The following DHX38 variants were observed in gnomAD, a reference collection of about 807,000 sequenced individuals.
DHX38 encodes the protein pre-mRNA-splicing factor ATP-dependent RNA helicase PRP16.
Under a neutral mutation model 153.1 loss-of-function variants are expected in DHX38, and 100 were observed. The observed-to-expected ratio is 0.65, with a 90% CI of 0.56 to 0.77. DHX38 has a LOEUF of 0.77. Ranked by LOEUF, DHX38 falls within the 30% of genes least tolerant of loss-of-function variation. The probability of loss-of-function intolerance (pLI) is 0.00; values close to 1 mark genes in which losing one functional copy is unlikely to be tolerated. For missense variants in DHX38, 1,440 were observed against 1,654.0 expected, an observed-to-expected ratio of 0.87 and a Z score of 2.24; for synonymous variants, 650 against 631.7, an observed-to-expected ratio of 1.03 and a Z score of -0.43.
At chr16:72,096,610 T>C in intron 2 of DHX38, 130 bp downstream of exon 2, 1 of 1,473,648 alleles carries the variant, frequency 6.8e-7, no homozygotes, top group Non-Finnish European at 8.9e-7. Flanking sequence ...TCTGTAATAC[T>C]GAAGGTAGGT....
chr16:72,103,794 T>G lies in DHX38; in HGVS notation c.1824+6T>G. 1 of 1,607,856 alleles carries G rather than the reference T, an allele frequency of 6.2e-7. No homozygotes were observed. The highest frequency in any genetic ancestry group is 1.7e-4 in the Middle Eastern group (1 of 6,032). ...GGGGAAACCTTGGCGAGGAGGTGAG[T>G]GGGCGTGGGGGCTGAGCCATGTAGT... is the stretch of plus-strand genomic sequence containing the variant. On this transcript the variant is annotated splice_donor_region_variant and intron_variant, in intron 13 of 26. Transcript: ENST00000268482.
chr16:72,110,854 G>A lies in DHX38; in HGVS notation c.3478-102G>A. 2.7e-6 allele frequency: 4 copies of A among 1,455,176 alleles called. No homozygotes were observed. In the South Asian group the frequency reaches 5.6e-5, roughly 20 times the overall value. 90.1% of individuals were successfully genotyped at this position (1,455,176 alleles called of 1,614,324 possible). A position where few individuals can be genotyped will look rare whatever the true frequency, so the allele number is the denominator to read the frequency against. On this transcript the variant is annotated intron_variant, in intron 25 of 26. Transcript: ENST00000268482. Reference sequence around the variant, plus strand: ...GGCAGCCATGTGGAGCACTGGCCTGGTGGATGCAGCACCTGGTTTGTGGCA... The same window carrying A: ...GGCAGCCATGTGGAGCACTGGCCTGATGGATGCAGCACCTGGTTTGTGGCA...
Position 72,098,739 on chromosome 16 carries a change from T to G in DHX38, c.711T>G (p.Pro237=), listed in dbSNP as rs1413305868. Residue 237 remains proline (P), a synonymous_variant, in exon 5 of 27, where the codon CCT becomes CCG. Coordinates refer to ENST00000268482, the MANE Select transcript of DHX38 (RefSeq NM_014003.4). ...AGTGGGAATCGCCCTCCCCGACGCC[T>G]TCCTATCGGGATTCTGAGCGGAGCC... ...RSQWESPSPT[P]SYRDSERSHR... 6.2e-7 allele frequency: 1 copy of G among 1,614,188 alleles called. No homozygotes were observed. Among genetic ancestry groups the G allele is most frequent in the Admixed American group, 1.7e-5 (1 of 60,026 alleles).
At chr16:72,096,029 A>T in intron 1 of DHX38, 110 bp from the exon 2 acceptor site, 2 of 1,142,808 alleles carry the variant, frequency 1.8e-6, no homozygotes, top group Non-Finnish European at 2.4e-6. Context: ...TCCTGGTCTT[A>T]AGGGGAGATG....
intron 13 of DHX38, 60 bp from the exon 14 acceptor site, chr16:72,103,886 C>T (rs374888357): frequency 2.5e-5 from 40 of 1,605,166 alleles, no homozygotes; most frequent in East Asian, 4.5e-5. Flanking sequence ...GACCCCAGTA[C>T]GGGGTGTGCT....
At position 72,108,222 on chromosome 16, in the gene DHX38, C is replaced by T; in HGVS notation, c.2965-5C>T. Reference sequence around the variant, plus strand: ...TTAGAGTGAAGGTTCTTTTTCCCTTCCTAGGGTCGAGAGGAGGAGAGTGAT... The same window carrying T: ...TTAGAGTGAAGGTTCTTTTTCCCTTTCTAGGGTCGAGAGGAGGAGAGTGAT... On this transcript the variant is annotated splice_region_variant and splice_polypyrimidine_tract_variant and intron_variant, in intron 21 of 26. Coordinates refer to ENST00000268482, the MANE Select transcript of DHX38 (RefSeq NM_014003.4). 6.2e-7 allele frequency: 1 copy of T among 1,613,844 alleles called. No individual in the cohort carries two copies. Among genetic ancestry groups the T allele is most frequent in the East Asian group, 2.2e-5 (1 of 44,882 alleles).
rs554249100 is a variant in DHX38 at position 72,097,854 on chromosome 16, G to C, written c.616+73G>C. On this transcript the variant is annotated intron_variant, in intron 4 of 26. Coordinates refer to ENST00000268482, the MANE Select transcript of DHX38 (RefSeq NM_014003.4). ...GCAGAGTGAGTGACTCTCGTCTTCA[G>C]TGAGATTGCTGAGGCATTGAGTCAG... The C allele has an allele frequency of 7.0e-5, 96 of 1,374,234 alleles. No individual in the cohort carries two copies. In the African/African-American group the frequency reaches 1.2e-3, roughly 17 times the overall value. 85.1% of individuals were successfully genotyped at this position (1,374,234 alleles called of 1,614,324 possible).
chr16:72,095,718 C>T (rs1188014236), intron 1 of DHX38, among the ~76,000 whole-genome samples: 1 of 152,144 alleles, frequency 6.6e-6, no homozygotes, highest in East Asian at 1.9e-4. Flanking sequence ...TGCTTACCAT[C>T]ATACAGGTAG....
chr16:72,101,976 A>G (rs1054903903), intron 11 of DHX38, among the ~76,000 whole-genome samples: 8 of 152,210 alleles, frequency 5.3e-5, no homozygotes, highest in African/African-American at 1.9e-4. Flanking sequence ...GGTGTTCAGC[A>G]TGGGCAGCTG....
At chr16:72,103,363 C>A in intron 12 of DHX38, 152 bp downstream of exon 12, 1 of 1,159,626 alleles carries the variant, frequency 8.6e-7, no homozygotes, top group Non-Finnish European at 1.2e-6. Context: ...GGGTACACTG[C>A]ACAAAGTAAC....
chr16:72,105,707 C>CT, intron 18 of DHX38, 83 bp downstream of exon 18: 1 of 1,374,240 alleles, frequency 7.3e-7, no homozygotes, highest in Non-Finnish European at 1.0e-6. Flanking sequence ...GGCCTCGCTC[C>CT]TGGCCCTGGG....
In DHX38 at chr16:72,103,764, G is replaced by T. The variant is rs1005347045; in HGVS notation, c.1800G>T (p.Glu600Asp). 6.2e-7 allele frequency: 1 copy of T among 1,612,866 alleles called. No homozygotes were observed. Among genetic ancestry groups the T allele is most frequent in the South Asian group, 1.1e-5 (1 of 91,068 alleles). Residue 600 changes from glutamate (E) to aspartate (D), a missense_variant, in exon 13 of 27, where the codon GAG becomes GAT. Around this residue, in one of 6 missense-constraint regions of DHX38, gnomAD observed 241 missense variants for 229.5 expected, o/e 1.05. Coordinates refer to ENST00000268482, the MANE Select transcript of DHX38 (RefSeq NM_014003.4). Reference sequence around the variant, plus strand: ...CAGTGGCCAAGAGAGTCAGTGAAGAGATGGGGGGAAACCTTGGCGAGGAGG... The same window carrying T: ...CAGTGGCCAAGAGAGTCAGTGAAGATATGGGGGGAAACCTTGGCGAGGAGG... ...AMSVAKRVSE[E>D]MGGNLGEEVG...
chr16:72,100,906 G>A (rs191057120), intron 9 of DHX38, among the ~76,000 whole-genome samples, 180 bp from the exon 10 acceptor site: 1 of 152,150 alleles, frequency 6.6e-6, no homozygotes, highest in Admixed American at 6.5e-5. Flanking sequence ...CAGTCTGGGC[G>A]ACAGAGCAAG....
At chr16:72,103,442 T>C (rs1053293852) in intron 12 of DHX38, among the ~76,000 whole-genome samples, 160 bp from the exon 13 acceptor site, 2 of 152,242 alleles carry the variant, frequency 1.3e-5, no homozygotes, top group African/African-American at 2.4e-5. Flanking sequence ...TCAGGTGTTA[T>C]CTCAGTAAGA....
intron 4 of DHX38, 116 bp from the exon 5 acceptor site, chr16:72,098,529 C>G (rs1174680148): frequency 7.6e-7 from 1 of 1,319,564 alleles, no homozygotes; most frequent in African/African-American, 1.5e-5. Flanking sequence ...TAGATACATG[C>G]AAGGTTTAGA....
In DHX38 at chr16:72,108,358, C is replaced by T. The variant is rs147656485; in HGVS notation, c.3096C>T (p.Phe1032=). 1.2e-6 allele frequency: 2 copies of T among 1,614,060 alleles called. No homozygotes were observed. The highest frequency in any genetic ancestry group is 2.7e-5 in the African/African-American group (2 of 74,916). ...CCACCATCTGGTGTAACGATCATTT[C>T]ATCCATGCTAAGGCCATGCGGAAGG... ...NYSTIWCNDH[F]IHAKAMRKVR... is the part of the protein sequence containing the mutation. The change falls in exon 22 of 27, where the codon TTC becomes TTT. Residue 1032 remains phenylalanine, a synonymous_variant. Transcript: ENST00000268482.
Position 72,098,971 on chromosome 16 carries a change from C to T in DHX38, c.809C>T (p.Pro270Leu), listed in dbSNP as rs1044592710. 1.9e-6 allele frequency: 3 copies of T among 1,614,094 alleles called. No homozygotes were observed. The highest frequency in any genetic ancestry group is 2.5e-6 in the Non-Finnish European group (3 of 1,180,056). Residue 270 changes from proline to leucine, a missense_variant, in exon 6 of 27, where the codon CCC (proline) becomes CTC (leucine). Physicochemically the swap from Pro to Leu is moderately conservative, Grantham distance 98. This residue lies in a region of DHX38 where 483 missense variants were observed against 465.1 expected (regional missense o/e 1.04). Coordinates refer to ENST00000268482, the MANE Select transcript of DHX38 (RefSeq NM_014003.4). Reference sequence around the variant, plus strand: ...TCGGATGACACGCCTCTGCCAACTCCCTCCTACAAATATAACGAGTGGGCC... The same window carrying T: ...TCGGATGACACGCCTCTGCCAACTCTCTCCTACAAATATAACGAGTGGGCC... ...KYSDDTPLPT[P>L]SYKYNEWADD...
chr16:72,095,116 C>A (rs117264576), intron 1 of DHX38, among the ~76,000 whole-genome samples: 6 of 152,336 alleles, frequency 3.9e-5, no homozygotes, highest in Non-Finnish European at 7.3e-5. Context: ...GGTGGCATCT[C>A]CTTTGCTTTG....
chr16:72,104,687 G>C lies in DHX38; in HGVS notation c.2151+61G>C, dbSNP rs2042149156. On this transcript the variant is annotated intron_variant, in intron 15 of 26. Transcript: ENST00000268482. The surrounding 1 kb of genome is among the most constrained non-coding windows in gnomAD (Gnocchi z 4.5). ...ATGCCACGCACTTCTCTGATGCGAAGCCGGCTGGAGGGTGGAGGGTGGGTA... is the reference window on the plus strand; with the variant it reads ...ATGCCACGCACTTCTCTGATGCGAACCCGGCTGGAGGGTGGAGGGTGGGTA... 7 of 1,604,872 alleles carry C rather than the reference G, an allele frequency of 4.4e-6. No homozygotes were observed. The highest frequency in any genetic ancestry group is 1.7e-5 in the Admixed American group (1 of 59,864).
Sources: gnomAD v4.1 joint callset for allele counts (sites outside exome capture counted in the v4.1 genomes callset) on GRCh38, gnomAD v4.1.1 for gene constraint, gnomAD v4.1.1 regional missense constraint, Gnocchi (gnomAD v3.1) non-coding constraint, MANE v1.5 for transcripts, NCBI Gene and HGNC (gene_info 2026-07-23, HGNC 2026-07-21) for gene names.